Variants in TES observed in about 807,000 individuals in gnomAD.
TES encodes the protein testin.
TES carries 41 observed loss-of-function variants against 48.2 expected under a neutral mutation model. The observed-to-expected ratio is 0.85, with a 90% confidence interval of 0.66 to 1.10. The LOEUF (loss-of-function observed/expected upper bound fraction) is 1.10, where lower values mean the gene tolerates loss of function less well. Ranked by LOEUF, TES falls within the 50% of genes least tolerant of loss-of-function variation. The pLI, the probability that TES is intolerant of heterozygous loss-of-function variation, is 0.00. For missense variants in TES, 463 were observed against 515.1 expected (o/e 0.90, Z 0.98); for synonymous variants, 162 against 174.9 (o/e 0.93, Z 0.58).
intron 1 of TES, chr7:116,222,845 A>G (rs1412675798): frequency 2.9e-6 from 1 of 347,870 alleles, no homozygotes; most frequent in African/African-American, 2.2e-5. Context: ...AGCGCATTCC[A>G]TTACAGTGTC....
intron 2 of TES, chr7:116,244,053 T>G (rs1163876050): frequency 2.6e-5 from 4 of 152,066 alleles, no homozygotes; most frequent in Non-Finnish European, 5.9e-5. Flanking sequence ...TCCCACCATG[T>G]CCCTCCCACA....
chr7:116,234,427 A>G, intron 1 of TES, 107 bp from the exon 2 acceptor site: 1 of 952,836 alleles, frequency 1.0e-6, no homozygotes, highest in Non-Finnish European at 1.6e-6. Context: ...GATTTGTTTG[A>G]AAGTTATCTC....
intron 1 of TES, among the ~76,000 whole-genome samples, chr7:116,217,077 T>C (rs1799502879): frequency 1.3e-5 from 2 of 152,158 alleles, no homozygotes; most frequent in South Asian, 4.1e-4. Context: ...TTGCAAGTGT[T>C]GATAGAGCAA....
intron 5 of TES, 98 bp downstream of exon 5, chr7:116,252,073 C>T: frequency 7.9e-7 from 1 of 1,264,494 alleles, no homozygotes; most frequent in Non-Finnish European, 1.1e-6. Context: ...ACAGCAGTTG[C>T]TCTGTTTACA....
chr7:116,250,165 G>C lies in TES; in HGVS notation c.371G>C (p.Arg124Thr). 1 of 1,527,906 alleles carries C rather than the reference G, an allele frequency of 6.5e-7. No homozygotes were observed. The highest frequency in any genetic ancestry group is 8.8e-7 in the Non-Finnish European group (1 of 1,141,230). 94.6% of individuals were successfully genotyped at this position (1,527,906 alleles called of 1,614,324 possible). A position where few individuals can be genotyped will look rare whatever the true frequency, so the allele number is the denominator to read the frequency against. Residue 124 changes from arginine (R) to threonine (T), a missense_variant, in exon 4 of 7, where the codon AGG becomes ACG. Coordinates refer to ENST00000358204, the MANE Select transcript of TES (RefSeq NM_015641.4). ...APPVQNQALA[R>T]QYMQMLPKEK... The stretch of plus-strand genomic sequence containing the variant: ...ATTGGCCTCCTTGTGGTTCAGGCCA[G>C]GCAGTACATGCAGATGCTACCCAAG...
intron 1 of TES, among the ~76,000 whole-genome samples, chr7:116,222,329 ACT>A (rs1799566945): frequency 1.3e-5 from 2 of 151,756 alleles, no homozygotes; most frequent in African/African-American, 4.8e-5. Flanking sequence ...GTTGGGCATT[ACT>A]CTCTAGGTTT....
chr7:116,255,727 T>C (rs974205104), intron 6 of TES, among the ~76,000 whole-genome samples: 1 of 152,142 alleles, frequency 6.6e-6, no homozygotes, highest in Non-Finnish European at 1.5e-5. Context: ...CAAGAACACA[T>C]TCAAAATACA....
At chr7:116,233,998 G>A (rs1799733508) in intron 1 of TES, among the ~76,000 whole-genome samples, 1 of 152,158 alleles carries the variant, frequency 6.6e-6, no homozygotes, top group East Asian at 1.9e-4. Context: ...GGATTAAGTT[G>A]CAACATGAAT....
Position 116,224,870 on chromosome 7 carries a change from GAA to G in TES, c.28-9656_28-9655del, listed in dbSNP as rs3837139. 4.0e-5 allele frequency among the ~76,000 whole-genome samples: 6 copies of G among 150,984 alleles called. No individual in the cohort carries two copies. In the East Asian group the frequency reaches 9.7e-4, roughly 24 times the overall value. On this transcript the variant is annotated intron_variant, in intron 1 of 6. Transcript: ENST00000358204. ...TACCTTTTTAGTTTCAGTTTGGAGGGAAAAAAAAACAGTGACTTTGTAGTGAG... is the reference window on the plus strand; with the variant it reads ...TACCTTTTTAGTTTCAGTTTGGAGGGAAAAAAACAGTGACTTTGTAGTGAG...
intron 2 of TES, among the ~76,000 whole-genome samples, chr7:116,238,616 T>TTA (rs766170427): frequency 1.5e-3 from 137 of 92,730 alleles, no homozygotes; most frequent in Admixed American, 3.7e-3. Flanking sequence ...TATTATTATT[T>TTA]TTGAGATGGG....
At chr7:116,237,752 C>G (rs1156620302) in intron 2 of TES, among the ~76,000 whole-genome samples, 1 of 152,138 alleles carries the variant, frequency 6.6e-6, no homozygotes, top group Non-Finnish European at 1.5e-5. Flanking sequence ...CAGGTGCCAA[C>G]ATGGTTGAGT....
chr7:116,216,708 A>C (rs1004244941), intron 1 of TES, among the ~76,000 whole-genome samples: 2 of 152,092 alleles, frequency 1.3e-5, no homozygotes, highest in Admixed American at 1.3e-4. Context: ...GCTATTTTCA[A>C]CTTGTTTGTA....
chr7:116,224,944 G>A (rs1370597893), intron 1 of TES, among the ~76,000 whole-genome samples: 1 of 152,066 alleles, frequency 6.6e-6, no homozygotes, highest in African/African-American at 2.4e-5. Flanking sequence ...TCTCACTTCT[G>A]CCACTTGCTA....
chr7:116,214,499 T>C (rs1799472074), intron 1 of TES, among the ~76,000 whole-genome samples: 1 of 152,146 alleles, frequency 6.6e-6, no homozygotes, highest in Non-Finnish European at 1.5e-5. Flanking sequence ...ATCCAGGGCT[T>C]TGCTTTAGAG....
intron 6 of TES, among the ~76,000 whole-genome samples, chr7:116,253,131 A>G (rs1800043214): frequency 6.6e-6 from 1 of 152,246 alleles, no homozygotes; most frequent in Non-Finnish European, 1.5e-5. Flanking sequence ...ATCCAGGAGT[A>G]TCCAAATAGA....
At chr7:116,239,674 G>A (rs1052580393) in intron 2 of TES, among the ~76,000 whole-genome samples, 2 of 152,214 alleles carry the variant, frequency 1.3e-5, no homozygotes, top group Admixed American at 6.5e-5. Flanking sequence ...AGACATCCTT[G>A]TGGACAAAGG....
chr7:116,248,944 T>G, intron 2 of TES, 76 bp from the exon 3 acceptor site: 1 of 1,421,858 alleles, frequency 7.0e-7, no homozygotes, highest in Non-Finnish European at 9.4e-7. Flanking sequence ...AAAAGTATTT[T>G]ATGAACTATA....
At chr7:116,248,005 TC>T (rs1380554865) in intron 2 of TES, among the ~76,000 whole-genome samples, 6 of 152,138 alleles carry the variant, frequency 3.9e-5, no homozygotes, top group Admixed American at 1.3e-4. Flanking sequence ...GTCTGTTAGT[TC>T]CATCTTTGTG....
At chr7:116,214,657 G>GA (rs965167976) in intron 1 of TES, among the ~76,000 whole-genome samples, 15 of 152,192 alleles carry the variant, frequency 9.9e-5, no homozygotes, top group Middle Eastern at 6.8e-3. Flanking sequence ...ATTGGTTGGA[G>GA]AAAAAAACTA....
Sources: allele counts gnomAD v4.1 joint callset (sites outside exome capture counted in the v4.1 genomes callset), GRCh38; gene constraint gnomAD v4.1.1; transcripts MANE v1.5; gene names NCBI Gene and HGNC (gene_info 2026-07-23, HGNC 2026-07-21).